PHF20: variants seen among roughly 807,000 people sequenced by gnomAD.
PHF20 encodes PHD finger protein 20.
In PHF20, 23 loss-of-function variants were observed where a neutral mutation model predicts 113.5. The ratio of observed to expected loss-of-function variants is 0.20; its 90% CI spans 0.15 to 0.29. PHF20 has a LOEUF of 0.29. PHF20 is among the 10% of genes least tolerant of loss of function. The pLI is 1.00. For synonymous variants in PHF20, 434 were observed against 457.3 expected (o/e 0.95, Z 0.65); for missense variants, 943 against 1,219.6 (o/e 0.77, Z 3.38).
chr20:35,786,964 G>A (rs1303463877), intron 1 of PHF20, among the ~76,000 whole-genome samples: 3 of 151,242 alleles, frequency 2.0e-5, no homozygotes, highest in African/African-American at 7.3e-5. Flanking sequence ...ACCCATTGAG[G>A]TGGATGATAT....
chr20:35,897,209 AT>A (rs892974527), intron 9 of PHF20, among the ~76,000 whole-genome samples: 31 of 148,080 alleles, frequency 2.1e-4, no homozygotes, highest in Admixed American at 9.5e-4. Flanking sequence ...AATTAACAAA[AT>A]TTTTTTTTTT....
chr20:35,838,910 C>T (rs1177399442), intron 2 of PHF20, among the ~76,000 whole-genome samples: 1 of 150,788 alleles, frequency 6.6e-6, no homozygotes, highest in Admixed American at 6.6e-5. Flanking sequence ...GGGAGGATCA[C>T]TTGAGGTCAG....
At chr20:35,796,234 A>T (rs2146856070) in intron 1 of PHF20, among the ~76,000 whole-genome samples, 1 of 152,228 alleles carries the variant, frequency 6.6e-6, no homozygotes, top group South Asian at 2.1e-4. Flanking sequence ...TTATATCTTT[A>T]TCATAGTAGT....
At chr20:35,863,523 A>G (rs1476541244) in intron 6 of PHF20, 123 bp downstream of exon 6, 13 of 1,014,986 alleles carry the variant, frequency 1.3e-5, no homozygotes, top group Non-Finnish European at 1.9e-5. Context: ...GAATTGTCTT[A>G]TGATCTGGAA....
chr20:35,856,563 T>C (rs1341083955), intron 4 of PHF20: 1 of 152,288 alleles, frequency 6.6e-6, no homozygotes, highest in Non-Finnish European at 1.5e-5. Flanking sequence ...GTATAAGTTA[T>C]GGTCTCTGGC....
In PHF20 at chr20:35,830,141, C is replaced by T. The variant is rs541779253; in HGVS notation, c.84-12432C>T. Among the ~76,000 whole-genome samples the T allele has an allele frequency of 6.6e-5, 10 of 151,542 alleles. No homozygotes were observed. In the South Asian group the frequency reaches 1.5e-3, roughly 22 times the overall value. Reference sequence around the variant, plus strand: ...GTTGCCCAGGCTGGTCTCAAACTCCCGAGTTCAGGCAGTCCACCTGCCTCG... The same window carrying T: ...GTTGCCCAGGCTGGTCTCAAACTCCTGAGTTCAGGCAGTCCACCTGCCTCG... On this transcript the variant is annotated intron_variant, in intron 2 of 17. Transcript: ENST00000374012.
intron 2 of PHF20, among the ~76,000 whole-genome samples, chr20:35,810,415 G>A (rs1200978963): frequency 6.6e-6 from 1 of 151,976 alleles, no homozygotes; most frequent in African/African-American, 2.4e-5. Context: ...TTTGAGTGAC[G>A]CCTTTGTTTT....
At chr20:35,808,864 A>T (rs1444756725) in intron 2 of PHF20, among the ~76,000 whole-genome samples, 1 of 149,662 alleles carries the variant, frequency 6.7e-6, no homozygotes, top group Non-Finnish European at 1.5e-5. Context: ...GAGCCACCGC[A>T]CCTGGCCCCA....
At position 35,891,098 on chromosome 20, in the gene PHF20, C is replaced by T. The variant is rs572013508; in HGVS notation, c.1283-8272C>T. Among the ~76,000 whole-genome samples, 13 of 152,180 alleles carry T rather than the reference C, an allele frequency of 8.5e-5. No homozygotes were observed. The South Asian group carries it at 1.5e-3, about 17-fold the overall frequency. On this transcript the variant is annotated intron_variant, in intron 9 of 17. Coordinates refer to ENST00000374012, the MANE Select transcript of PHF20 (RefSeq NM_016436.5). ...GTAAAGAATGCAGCACATTCCAGGC[C>T]GGGTACAGTGGCTCATGCCTGTAAT...
rs12329597 is a variant in PHF20 at position 35,914,319 on chromosome 20, C to T, written c.1825+122C>T. ...AATAAAACAAATAAAGCTAGTCAGA[C>T]ATAATTTTTATTTTCCCAGTGTTTA... On this transcript the variant is annotated intron_variant, in intron 12 of 17. Coordinates refer to ENST00000374012, the MANE Select transcript of PHF20 (RefSeq NM_016436.5). The T allele has an allele frequency of 3.0e-3, 2,891 of 970,858 alleles. 44 individuals carry two copies. The African/African-American group carries it at 0.038, about 13-fold the overall frequency. The allele number at this position is 970,858 out of a possible 1,614,324, so 60.1% of individuals were successfully genotyped here. A position where few individuals can be genotyped will look rare whatever the true frequency, so the allele number is the denominator to read the frequency against.
chr20:35,841,473 A>G (rs1240398969), intron 2 of PHF20, among the ~76,000 whole-genome samples: 5 of 152,248 alleles, frequency 3.3e-5, no homozygotes, highest in African/African-American at 1.2e-4. Flanking sequence ...GTTCTTTTTA[A>G]TAACCGCGTA....
intron 2 of PHF20, among the ~76,000 whole-genome samples, chr20:35,805,015 C>T (rs1166544585): frequency 1.3e-5 from 2 of 151,910 alleles, no homozygotes; most frequent in Non-Finnish European, 2.9e-5. Flanking sequence ...GATTCTCGTG[C>T]CTCAGCCTCC....
At chr20:35,845,173 C>G (rs1036153192) in intron 3 of PHF20, among the ~76,000 whole-genome samples, 2 of 151,026 alleles carry the variant, frequency 1.3e-5, no homozygotes, top group Non-Finnish European at 2.9e-5. Context: ...CTTCAATTAG[C>G]ATATCTTTTG....
Position 35,871,113 on chromosome 20 carries a change from A to G in PHF20, c.1081A>G (p.Ser361Gly). Residue 361 changes from serine to glycine, a missense_variant, in exon 8 of 18, where the codon AGT (serine) becomes GGT (glycine). Around this residue, in one of 3 missense-constraint regions of PHF20, gnomAD observed 592 missense variants for 787.2 expected, o/e 0.75. Coordinates refer to ENST00000374012, the MANE Select transcript of PHF20 (RefSeq NM_016436.5). Reference protein sequence around the residue: ...DTDPLQDTLSSTKESEEGQLK... With the variant: ...DTDPLQDTLSGTKESEEGQLK... ...GGATCCTTTGCAAGACACGTTGTCT[A>G]GTACCAAGGAATCTGAAGAAGGTGA... is the stretch of plus-strand genomic sequence containing the variant. 1.2e-6 allele frequency: 2 copies of G among 1,610,096 alleles called. No homozygotes were observed. Among genetic ancestry groups the G allele is most frequent in the Non-Finnish European group, 1.7e-6 (2 of 1,179,242 alleles).
chr20:35,869,228 G>A (rs1322156713), intron 6 of PHF20, among the ~76,000 whole-genome samples: 2 of 152,060 alleles, frequency 1.3e-5, no homozygotes, highest in Admixed American at 6.6e-5. Context: ...GAGGTCAATT[G>A]GCAAGGTATC....
intron 2 of PHF20, among the ~76,000 whole-genome samples, chr20:35,819,951 CT>C (rs1386778924): frequency 6.6e-6 from 1 of 152,028 alleles, no homozygotes; most frequent in Non-Finnish European, 1.5e-5. Flanking sequence ...TCCTTTAATC[CT>C]TTAGATGCTA....
chr20:35,817,897 C>T (rs2042104544), intron 2 of PHF20, among the ~76,000 whole-genome samples: 1 of 151,808 alleles, frequency 6.6e-6, no homozygotes, highest in Non-Finnish European at 1.5e-5. Context: ...CACTTGAGCC[C>T]AGGAGTTCAA....
In PHF20 at chr20:35,829,176, A is replaced by C. The variant is rs377685662; in HGVS notation, c.84-13397A>C. Reference sequence around the variant, plus strand: ...CTTACCCTAGAACAGGGAATCTGAGAGAGTGCAGGGCAGAAGCAGCAGTGC... The same window carrying C: ...CTTACCCTAGAACAGGGAATCTGAGCGAGTGCAGGGCAGAAGCAGCAGTGC... On this transcript the variant is annotated intron_variant, in intron 2 of 17. Coordinates refer to ENST00000374012, the MANE Select transcript of PHF20 (RefSeq NM_016436.5). Among the ~76,000 whole-genome samples, 34 of 152,170 alleles carry C rather than the reference A, an allele frequency of 2.2e-4. 1 individual carries two copies. Among genetic ancestry groups the C allele is most frequent in the Admixed American group, 1.0e-3 (16 of 15,282 alleles).
At chr20:35,921,519 C>CA (rs1026337809) in intron 13 of PHF20, among the ~76,000 whole-genome samples, 1 of 151,554 alleles carries the variant, frequency 6.6e-6, no homozygotes, top group Non-Finnish European at 1.5e-5. Flanking sequence ...CCTACCTCTA[C>CA]AAAAAAATTA....
Sources: gnomAD v4.1 joint callset for allele counts (sites outside exome capture counted in the v4.1 genomes callset) on GRCh38, gnomAD v4.1.1 for gene constraint, gnomAD v4.1.1 regional missense constraint, MANE v1.5 for transcripts, NCBI Gene and HGNC (gene_info 2026-07-23, HGNC 2026-07-21) for gene names.